CSNK1A1: variants seen among roughly 807,000 people sequenced by gnomAD.
CSNK1A1 encodes casein kinase I isoform alpha.
CSNK1A1 carries 7 observed loss-of-function variants against 46.1 expected under a neutral mutation model. The ratio of observed to expected loss-of-function variants is 0.15; its 90% CI spans 0.09 to 0.29. The LOEUF (loss-of-function observed/expected upper bound fraction) is 0.29. Ranked by LOEUF, CSNK1A1 falls within the 10% of genes least tolerant of loss-of-function variation. CSNK1A1 has a pLI of 1.00. For missense variants in CSNK1A1, 96 were observed against 417.1 expected, an observed-to-expected ratio of 0.23 and a Z score of 6.71; for synonymous variants, 137 against 141.5, an observed-to-expected ratio of 0.97 and a Z score of 0.23.
At position 149,496,497 on chromosome 5, in the gene CSNK1A1, A is replaced by G; in HGVS notation, c.*356T>C. On this transcript the variant is annotated 3_prime_UTR_variant, in exon 10 of 10. Coordinates refer to ENST00000377843, the MANE Select transcript of CSNK1A1 (RefSeq NM_001892.6). ...TTCTTCTGAAATGAGATCTCAAAGC[A>G]GTATAGTTCAAAACAAAAGGTTTTA... The G allele has an allele frequency of 3.8e-6, 1 of 261,640 alleles. No individual in the cohort carries two copies. Among genetic ancestry groups the G allele is most frequent in the East Asian group, 7.6e-5 (1 of 13,152 alleles). The allele number at this position is 261,640 out of a possible 1,614,324, so 16.2% of individuals were successfully genotyped here.
chr5:149,516,691 A>G (rs1206302319), intron 4 of CSNK1A1, among the ~76,000 whole-genome samples: 5 of 152,154 alleles, frequency 3.3e-5, no homozygotes, highest in Non-Finnish European at 7.4e-5. Context: ...TATTCTTATA[A>G]TATGCCTAAT....
At chr5:149,506,641 T>C (rs1761040623) in intron 8 of CSNK1A1, among the ~76,000 whole-genome samples, 1 of 152,204 alleles carries the variant, frequency 6.6e-6, no homozygotes, top group African/African-American at 2.4e-5. Flanking sequence ...TAAGGAACCC[T>C]ACCCTAGTTT....
At chr5:149,502,024 G>T in intron 9 of CSNK1A1, 1 of 975,278 alleles carries the variant, frequency 1.0e-6, no homozygotes. Context: ...TTGGAATGGA[G>T]TATTTGAAAA....
At chr5:149,541,434 T>A (rs1208606634) in intron 2 of CSNK1A1, among the ~76,000 whole-genome samples, 2 of 151,982 alleles carry the variant, frequency 1.3e-5, no homozygotes, top group Non-Finnish European at 2.9e-5. Flanking sequence ...ATTACAGGTG[T>A]GGCATGAGCT....
At chr5:149,512,745 TA>T (rs1276861119) in intron 5 of CSNK1A1, among the ~76,000 whole-genome samples, 3 of 152,154 alleles carry the variant, frequency 2.0e-5, no homozygotes, top group African/African-American at 7.2e-5. Context: ...TACTAAAGTA[TA>T]AAAAGCCCCA....
chr5:149,499,623 T>G lies in CSNK1A1; in HGVS notation c.1007-2763A>C, dbSNP rs930816790. Among the ~76,000 whole-genome samples the G allele has an allele frequency of 3.9e-4, 59 of 151,700 alleles. 1 individual carries two copies. The highest frequency in any genetic ancestry group is 1.2e-3 in the African/African-American group (48 of 41,476). The stretch of plus-strand genomic sequence containing the variant: ...AAAAAAATAAACAAAAGATATGCTT[T>G]TTTTTTTTTGAGATGGGGTCTTGCT... On this transcript the variant is annotated intron_variant, in intron 9 of 9. Coordinates refer to ENST00000377843, the MANE Select transcript of CSNK1A1 (RefSeq NM_001892.6).
At chr5:149,549,965 G>C in intron 2 of CSNK1A1, 110 bp downstream of exon 2, 1 of 1,311,554 alleles carries the variant, frequency 7.6e-7, no homozygotes, top group Non-Finnish European at 1.0e-6. Flanking sequence ...AGGGAACCCA[G>C]GTAACTAAAA....
Position 149,551,040 on chromosome 5 carries a change from C to T in CSNK1A1, c.-76G>A. On this transcript the variant is annotated 5_prime_UTR_variant, in exon 1 of 10. Transcript: ENST00000377843. ...GAGGACGGAGGCCTCGGGGCTCCTACACTAGGCAAGGCTACGGAGGAGGGC... is the reference window on the plus strand; with the variant it reads ...GAGGACGGAGGCCTCGGGGCTCCTATACTAGGCAAGGCTACGGAGGAGGGC... 6.4e-7 allele frequency: 1 copy of T among 1,559,784 alleles called. No homozygotes were observed. The highest frequency in any genetic ancestry group is 8.8e-7 in the Non-Finnish European group (1 of 1,140,334).
chr5:149,522,941 T>C (rs1182917250), intron 3 of CSNK1A1, among the ~76,000 whole-genome samples: 1 of 152,188 alleles, frequency 6.6e-6, no homozygotes, highest in Non-Finnish European at 1.5e-5. Context: ...TCTCAATACA[T>C]GTTCAATGTA....
intron 2 of CSNK1A1, among the ~76,000 whole-genome samples, chr5:149,536,021 T>C (rs1762051889): frequency 6.6e-6 from 1 of 151,300 alleles, no homozygotes; most frequent in Non-Finnish European, 1.5e-5. Context: ...TGGCATGATC[T>C]CAGCTCACCA....
chr5:149,493,797 A>G lies in CSNK1A1; in HGVS notation c.*3056T>C, dbSNP rs1760584979. Reference sequence around the variant, plus strand: ...ACACACATATTGATCTGCTGACACCACTTCTTTACTATACTTCATATAGAT... The same window carrying G: ...ACACACATATTGATCTGCTGACACCGCTTCTTTACTATACTTCATATAGAT... On this transcript the variant is annotated 3_prime_UTR_variant, in exon 10 of 10. Coordinates refer to ENST00000377843, the MANE Select transcript of CSNK1A1 (RefSeq NM_001892.6). 1 of 152,194 alleles carries G rather than the reference A, an allele frequency of 6.6e-6. No individual in the cohort carries two copies. The highest frequency in any genetic ancestry group is 6.5e-5 in the Admixed American group (1 of 15,282). The allele number at this position is 152,194 out of a possible 1,614,324, so 9.4% of individuals were successfully genotyped here.
chr5:149,548,211 T>C (rs954507719), intron 2 of CSNK1A1, among the ~76,000 whole-genome samples: 5 of 152,046 alleles, frequency 3.3e-5, no homozygotes, highest in African/African-American at 7.2e-5. Context: ...GTTGTTTCCA[T>C]GTAAAGACTA....
At chr5:149,537,382 AAAAC>A (rs781257772) in intron 2 of CSNK1A1, among the ~76,000 whole-genome samples, 4 of 152,162 alleles carry the variant, frequency 2.6e-5, no homozygotes, top group African/African-American at 7.2e-5. Context: ...TCTCTAGTGA[AAAAC>A]AAACAAAAAA....
intron 2 of CSNK1A1, among the ~76,000 whole-genome samples, chr5:149,547,555 A>C (rs998901503): frequency 1.3e-5 from 2 of 152,258 alleles, no homozygotes; most frequent in African/African-American, 4.8e-5. Context: ...TGTTAAGTGA[A>C]AAGTGCCAGA....
At chr5:149,514,057 C>T (rs1194946939) in intron 4 of CSNK1A1, among the ~76,000 whole-genome samples, 3 of 152,140 alleles carry the variant, frequency 2.0e-5, no homozygotes, top group African/African-American at 4.8e-5. Context: ...CTACTTAGCA[C>T]TGACATTATA....
At chr5:149,548,384 C>A (rs996047059) in intron 2 of CSNK1A1, among the ~76,000 whole-genome samples, 8 of 136,090 alleles carry the variant, frequency 5.9e-5, no homozygotes, top group African/African-American at 1.7e-4. Context: ...CTGGCCAACA[C>A]GGCAAAACCT....
intron 2 of CSNK1A1, among the ~76,000 whole-genome samples, chr5:149,536,245 G>A (rs1762059011): frequency 6.6e-6 from 1 of 152,108 alleles, no homozygotes; most frequent in South Asian, 2.1e-4. Flanking sequence ...GAGCCACCGT[G>A]CCCAGCCTCA....
Position 149,550,981 on chromosome 5 carries a change from G to A in CSNK1A1, c.-17C>T, listed in dbSNP as rs754162826. On this transcript the variant is annotated 5_prime_UTR_variant, in exon 1 of 10. Transcript: ENST00000377843. The surrounding 1 kb of genome is among the most constrained non-coding windows in gnomAD (Gnocchi z 4.3). ...ACTCGCCATCCTGAGAGACGAAGAT[G>A]GAGGCTGGGGCCAAGCCCCGACACC... 24 of 1,613,696 alleles carry A rather than the reference G, an allele frequency of 1.5e-5. No homozygotes were observed. Among genetic ancestry groups the A allele is most frequent in the Non-Finnish European group, 1.9e-5 (22 of 1,179,890 alleles).
chr5:149,507,942 C>T (rs1365472480), intron 7 of CSNK1A1, among the ~76,000 whole-genome samples: 7 of 152,108 alleles, frequency 4.6e-5, no homozygotes. Flanking sequence ...AGGAAAGATT[C>T]TCAACAATGT....
Sources: gnomAD v4.1 joint callset for allele counts (sites outside exome capture counted in the v4.1 genomes callset) on GRCh38, gnomAD v4.1.1 for gene constraint, Gnocchi (gnomAD v3.1) non-coding constraint, MANE v1.5 for transcripts, NCBI Gene and HGNC (gene_info 2026-07-23, HGNC 2026-07-21) for gene names.